The following SPAG9 variants were observed in gnomAD, a reference collection of about 807,000 sequenced individuals.
SPAG9 encodes sperm associated antigen 9, also known as C-Jun-amino-terminal kinase-interacting protein 4.
In SPAG9, 35 loss-of-function variants were observed where a neutral mutation model predicts 166.5. The observed-to-expected ratio is 0.21, with a 90% CI of 0.16 to 0.28. SPAG9 has a LOEUF of 0.28. SPAG9 is among the 10% of genes least tolerant of loss of function. SPAG9 has a pLI of 1.00. For synonymous variants in SPAG9, 534 were observed against 565.5 expected (o/e 0.94, Z 0.79); for missense variants, 1,235 against 1,603.3 (o/e 0.77, Z 3.92).
chr17:51,049,586 G>A (rs964067876), intron 3 of SPAG9, among the ~76,000 whole-genome samples: 11 of 152,064 alleles, frequency 7.2e-5, no homozygotes, highest in African/African-American at 2.4e-4. Flanking sequence ...GGCTGAGGTG[G>A]GAAGATCGTT....
chr17:50,975,071 G>A (rs1162403788), intron 27 of SPAG9, 124 bp from the exon 28 acceptor site: 1 of 853,402 alleles, frequency 1.2e-6, no homozygotes. Flanking sequence ...AAACAAGGAT[G>A]GCAATGCCAA....
intron 6 of SPAG9, among the ~76,000 whole-genome samples, chr17:51,028,417 T>C (rs908691190): frequency 1.3e-5 from 2 of 152,224 alleles, no homozygotes; most frequent in Non-Finnish European, 2.9e-5. Flanking sequence ...CCATGGTAAG[T>C]GCCCTATAGA....
At chr17:51,039,394 G>A (rs1456409427) in intron 5 of SPAG9, among the ~76,000 whole-genome samples, 1 of 152,072 alleles carries the variant, frequency 6.6e-6, no homozygotes, top group Non-Finnish European at 1.5e-5. Context: ...TGAACGACAA[G>A]GGCTTAGGTG....
chr17:51,005,335 T>A lies in SPAG9; in HGVS notation c.1425-72A>T, dbSNP rs1215298828. 2.8e-6 allele frequency: 4 copies of A among 1,439,286 alleles called. No homozygotes were observed. In the African/African-American group the frequency reaches 5.7e-5, roughly 20 times the overall value. The allele number at this position is 1,439,286 out of a possible 1,614,324, so 89.2% of individuals were successfully genotyped here. Reference sequence around the variant, plus strand: ...ATCTTTTCAAAAAAATAAGAGTAGGTCAACAATTTTAACTACCACTAAAGG... The same window carrying A: ...ATCTTTTCAAAAAAATAAGAGTAGGACAACAATTTTAACTACCACTAAAGG... On this transcript the variant is annotated intron_variant, in intron 11 of 29. Transcript: ENST00000262013.
chr17:50,985,861 C>T, intron 22 of SPAG9, 83 bp from the exon 23 acceptor site: 1 of 750,310 alleles, frequency 1.3e-6, no homozygotes, highest in South Asian at 1.9e-5. Context: ...GAAGTTCATT[C>T]AGAAGGAAAG....
chr17:50,973,875 C>T, intron 28 of SPAG9, among the ~76,000 whole-genome samples: 1 of 152,212 alleles, frequency 6.6e-6, no homozygotes, highest in East Asian at 1.9e-4. Context: ...GCCTGCCCTG[C>T]AGATTTCAGA....
At chr17:51,107,863 T>A (rs1459831780) in intron 1 of SPAG9, among the ~76,000 whole-genome samples, 10 of 150,182 alleles carry the variant, frequency 6.7e-5, no homozygotes, top group African/African-American at 2.5e-4. Flanking sequence ...TACAGTGAGC[T>A]CTGATTGCAA....
At chr17:51,081,234 T>C (rs2048154137) in intron 1 of SPAG9, among the ~76,000 whole-genome samples, 1 of 152,078 alleles carries the variant, frequency 6.6e-6, no homozygotes, top group African/African-American at 2.4e-5. Flanking sequence ...CTAGGAGGAT[T>C]CTTTAAAAAG....
intron 19 of SPAG9, among the ~76,000 whole-genome samples, chr17:50,993,140 C>A (rs1284742869): frequency 1.3e-4 from 18 of 141,942 alleles, no homozygotes; most frequent in African/African-American, 4.5e-4. Context: ...CATGGTAAAA[C>A]CCCGTCTCTA....
chr17:51,077,715 A>G (rs2048057186), intron 2 of SPAG9, among the ~76,000 whole-genome samples: 1 of 151,782 alleles, frequency 6.6e-6, no homozygotes, highest in Non-Finnish European at 1.5e-5. Flanking sequence ...TAGTGGTGCA[A>G]TCTCAGCTCA....
intron 4 of SPAG9, among the ~76,000 whole-genome samples, chr17:51,043,308 C>T (rs1177735825): frequency 6.6e-6 from 1 of 152,160 alleles, no homozygotes; most frequent in East Asian, 1.9e-4. Flanking sequence ...TTCCCAAATG[C>T]TGTTCAGCAA....
rs1359765485 is a variant in SPAG9, at chr17:50,962,948, T to C, written c.*3324A>G. 6.6e-6 allele frequency: 1 copy of C among 152,248 alleles called. No individual in the cohort carries two copies. Among genetic ancestry groups the C allele is most frequent in the Non-Finnish European group, 1.5e-5 (1 of 68,042 alleles). The allele number at this position is 152,248 out of a possible 1,614,324, so 9.4% of individuals were successfully genotyped here. A position where few individuals can be genotyped will look rare whatever the true frequency, so the allele number is the denominator to read the frequency against. ...CCACAAGCTGCAATTAAGAGATTCA[T>C]TCCTATTTTTAAAATTTAGATCCAC... On this transcript the variant is annotated 3_prime_UTR_variant, in exon 30 of 30. Transcript: ENST00000262013.
At chr17:51,052,746 A>G (rs1251223207) in intron 3 of SPAG9, among the ~76,000 whole-genome samples, 2 of 152,046 alleles carry the variant, frequency 1.3e-5, no homozygotes, top group Non-Finnish European at 2.9e-5. Context: ...ATTTCACTTT[A>G]CCGTTATTTT....
intron 15 of SPAG9, among the ~76,000 whole-genome samples, chr17:50,997,258 T>C (rs990877376): frequency 2.0e-5 from 3 of 152,234 alleles, no homozygotes; most frequent in African/African-American, 7.2e-5. Flanking sequence ...TTAAATTGAA[T>C]CATCAGCCAC....
chr17:51,083,649 G>A (rs2048231548), intron 1 of SPAG9, among the ~76,000 whole-genome samples: 1 of 151,622 alleles, frequency 6.6e-6, no homozygotes, highest in African/African-American at 2.4e-5. Context: ...TCAGACTCCT[G>A]GGCTCAAGCA....
At chr17:51,113,060 A>G (rs2049167040) in intron 1 of SPAG9, among the ~76,000 whole-genome samples, 1 of 152,002 alleles carries the variant, frequency 6.6e-6, no homozygotes, top group African/African-American at 2.4e-5. Flanking sequence ...AATATGAAAA[A>G]ATGTTGGCCG....
chr17:51,005,173 T>C (rs773010393), intron 12 of SPAG9, 39 bp downstream of exon 12: 8 of 1,576,666 alleles, frequency 5.1e-6, no homozygotes, highest in African/African-American at 1.3e-5. Context: ...CACCAAAACA[T>C]GGTAAGGTAA....
At chr17:51,008,884 T>C (rs1200657336) in intron 9 of SPAG9, among the ~76,000 whole-genome samples, 2 of 152,182 alleles carry the variant, frequency 1.3e-5, no homozygotes, top group African/African-American at 2.4e-5. Flanking sequence ...GCTGGGAATG[T>C]TAACTTTTTA....
At chr17:51,041,447 A>G (rs538619286) in intron 5 of SPAG9, 54 bp downstream of exon 5, 63 of 1,544,052 alleles carry the variant, frequency 4.1e-5, no homozygotes, top group Non-Finnish European at 5.2e-5. Context: ...TTCAATTAGG[A>G]TAAGAAAGTT....
Sources: gnomAD v4.1 joint callset for allele counts (sites outside exome capture counted in the v4.1 genomes callset) on GRCh38, gnomAD v4.1.1 for gene constraint, MANE v1.5 for transcripts, NCBI Gene and HGNC (gene_info 2026-07-23, HGNC 2026-07-21) for gene names.